Variants in ANK3 observed in about 807,000 individuals in gnomAD.
The protein encoded by ANK3 is ankyrin-3.
A neutral mutation model predicts 370.9 loss-of-function variants in ANK3; 57 were observed. The ratio of observed to expected loss-of-function variants is 0.15; its 90% CI spans 0.12 to 0.19. ANK3 has a LOEUF of 0.19. Among genes scored for constraint, ANK3 ranks in the 10% least tolerant of loss-of-function variants. ANK3 has a pLI of 1.00. For missense variants in ANK3, 4,439 were observed against 5,302.1 expected (o/e 0.84, Z 5.06); for synonymous variants, 1,929 against 1,946.3 (o/e 0.99, Z 0.23).
intron 2 of ANK3, among the ~76,000 whole-genome samples, chr10:60,563,431 A>T (rs2077385903): frequency 6.6e-6 from 1 of 152,246 alleles, no homozygotes; most frequent in Non-Finnish European, 1.5e-5. Flanking sequence ...CCTTGCAGCC[A>T]GCCAAGCTTT....
chr10:60,191,489 A>C (rs972533838), intron 16 of ANK3, among the ~76,000 whole-genome samples: 1 of 152,248 alleles, frequency 6.6e-6, no homozygotes, highest in Non-Finnish European at 1.5e-5. Flanking sequence ...GATCGTCATC[A>C]CTAATCATCA....
At chr10:60,654,933 G>T (rs149567115) in intron 1 of ANK3, among the ~76,000 whole-genome samples, 2 of 152,042 alleles carry the variant, frequency 1.3e-5, no homozygotes, top group Non-Finnish European at 2.9e-5. Flanking sequence ...TGATGATTCC[G>T]TAAGATTTTA....
chr10:60,080,803 T>C (rs1479179590), intron 35 of ANK3, among the ~76,000 whole-genome samples, 185 bp from the exon 36 acceptor site: 1 of 152,096 alleles, frequency 6.6e-6, no homozygotes, highest in Non-Finnish European at 1.5e-5. Flanking sequence ...ATTTGGCAAA[T>C]TTAAGAGCAC....
intron 1 of ANK3, among the ~76,000 whole-genome samples, chr10:60,384,001 A>T (rs1478003584): frequency 1.3e-5 from 2 of 152,244 alleles, no homozygotes; most frequent in African/African-American, 4.8e-5. Context: ...CAGTGGTTAA[A>T]TACAGAACCC....
Position 60,186,732 on chromosome 10 carries a change from C to T in ANK3, c.2068G>A (p.Val690Met). The change falls in exon 17 of 44, where the codon GTG (valine) becomes ATG (methionine). Residue 690 changes from valine to methionine, a missense_variant. Val to Met is a conservative substitution (Grantham distance 21, BLOSUM62 1). Around this residue, in one of 13 missense-constraint regions of ANK3, gnomAD observed 192 missense variants for 192.1 expected, o/e 1.00. Coordinates refer to ENST00000280772, the MANE Select transcript of ANK3 (RefSeq NM_020987.5). ...VSLLLGRNAN[V>M]NLSNKSGLTP... is the part of the protein sequence containing the mutation. ...TGGGTTACCTTATTGCTCAGGTTCA[C>T]ATTCGCATTTCTACCGAGGAGCAGC... 1.2e-6 allele frequency: 2 copies of T among 1,614,020 alleles called. No homozygotes were observed. Among genetic ancestry groups the T allele is most frequent in the Non-Finnish European group, 1.7e-6 (2 of 1,179,916 alleles).
At chr10:60,068,106 T>A in intron 37 of ANK3, 97 bp from the exon 38 acceptor site, 2 of 1,019,060 alleles carry the variant, frequency 2.0e-6, no homozygotes, top group Non-Finnish European at 3.0e-6. Context: ...GAGAGACTAA[T>A]GCTAACACTG....
intron 1 of ANK3, among the ~76,000 whole-genome samples, chr10:60,662,163 A>G (rs1204113164): frequency 1.3e-5 from 2 of 152,130 alleles, no homozygotes; most frequent in African/African-American, 4.8e-5. Context: ...TTTATTTTGG[A>G]AAAAGAGAAA....
At chr10:60,469,027 TAG>T (rs367871226) in intron 2 of ANK3, among the ~76,000 whole-genome samples, 1 of 32,610 alleles carries the variant, frequency 3.1e-5, no homozygotes, top group African/African-American at 1.0e-4. Flanking sequence ...ATACCACTTT[TAG>T]TGTATATATA....
At chr10:60,304,959 G>A (rs886479032) in intron 1 of ANK3, among the ~76,000 whole-genome samples, 1 of 152,144 alleles carries the variant, frequency 6.6e-6, no homozygotes, top group Non-Finnish European at 1.5e-5. Flanking sequence ...TTTCTCAATT[G>A]ACATACAGTG....
intron 1 of ANK3, among the ~76,000 whole-genome samples, chr10:60,686,028 T>C (rs905103203): frequency 6.6e-6 from 1 of 152,160 alleles, no homozygotes; most frequent in East Asian, 1.9e-4. Context: ...ATAAACTCAA[T>C]TCCAATTAAA....
At chr10:60,531,294 A>T (rs562700853) in intron 2 of ANK3, among the ~76,000 whole-genome samples, 13 of 152,146 alleles carry the variant, frequency 8.5e-5, no homozygotes, top group South Asian at 2.1e-4. Flanking sequence ...AGATTCACAC[A>T]GTATATTAGG....
At chr10:60,623,203 C>A (rs75793835) in intron 1 of ANK3, among the ~76,000 whole-genome samples, 1 of 152,034 alleles carries the variant, frequency 6.6e-6, no homozygotes, top group African/African-American at 2.4e-5. Flanking sequence ...GAATAAGGTA[C>A]GATCTTTACT....
intron 2 of ANK3, among the ~76,000 whole-genome samples, chr10:60,516,629 A>G (rs957497202): frequency 6.6e-6 from 1 of 152,092 alleles, no homozygotes; most frequent in African/African-American, 2.4e-5. Flanking sequence ...GAGGAAAAAA[A>G]AATTAGGAGT....
chr10:60,309,707 A>G (rs963275514), intron 1 of ANK3, among the ~76,000 whole-genome samples: 4 of 152,182 alleles, frequency 2.6e-5, no homozygotes, highest in Non-Finnish European at 5.9e-5. Flanking sequence ...AATACTTGTG[A>G]TTAAAGAAAA....
Position 60,389,409 on chromosome 10 carries a change from T to C in ANK3, c.114+16A>G. On this transcript the variant is annotated intron_variant, in intron 1 of 43. Coordinates refer to ENST00000280772, the MANE Select transcript of ANK3 (RefSeq NM_020987.5). The stretch of plus-strand genomic sequence containing the variant: ...AAGAATCCAGGCAAGATATATGCTC[T>C]GGCATACATAGATACCTTTTTCTTC... 1 of 1,608,946 alleles carries C rather than the reference T, an allele frequency of 6.2e-7. No homozygotes were observed. The highest frequency in any genetic ancestry group is 8.5e-7 in the Non-Finnish European group (1 of 1,176,576).
chr10:60,141,079 G>A, intron 23 of ANK3: 5 of 958,444 alleles, frequency 5.2e-6, no homozygotes, highest in Non-Finnish European at 6.2e-6. Context: ...GAAAAAGAGA[G>A]AGGGAGGGCC....
chr10:60,390,188 G>C (rs1192772945), upstream of ANK3, among the ~76,000 whole-genome samples: 1 of 152,168 alleles, frequency 6.6e-6, no homozygotes, highest in African/African-American at 2.4e-5. Flanking sequence ...GGAAAACAAT[G>C]CATGTATTGC....
At chr10:60,292,951 C>T (rs950661715) in intron 1 of ANK3, among the ~76,000 whole-genome samples, 1 of 152,156 alleles carries the variant, frequency 6.6e-6, no homozygotes, top group African/African-American at 2.4e-5. Context: ...TCAGGTGATC[C>T]ACCTGCCTTG....
At chr10:60,504,120 A>G (rs548342142) in intron 2 of ANK3, among the ~76,000 whole-genome samples, 3 of 152,332 alleles carry the variant, frequency 2.0e-5, no homozygotes, top group Non-Finnish European at 4.4e-5. Context: ...TGTTTTACTC[A>G]TAAAAGACAT....
Sources: allele counts gnomAD v4.1 joint callset (sites outside exome capture counted in the v4.1 genomes callset), GRCh38; gene constraint gnomAD v4.1.1; regional missense constraint gnomAD v4.1.1; transcripts MANE v1.5; gene names NCBI Gene and HGNC (gene_info 2026-07-23, HGNC 2026-07-21).